The following UBE2N variants were observed in gnomAD, a reference collection of about 807,000 sequenced individuals.
UBE2N encodes the protein ubiquitin-conjugating enzyme E2 N.
For synonymous variants in UBE2N, 70 were observed against 69.2 expected, an observed-to-expected ratio of 1.01 and a Z score of -0.06; for missense variants, 60 against 192.1, an observed-to-expected ratio of 0.31 and a Z score of 4.07.
At chr12:93,430,995 A>G (rs1384835249) in intron 1 of UBE2N, among the ~76,000 whole-genome samples, 5 of 150,612 alleles carry the variant, frequency 3.3e-5, no homozygotes, top group Admixed American at 1.3e-4. Flanking sequence ...TTGGGAGGCC[A>G]AGGCGGGCGA....
rs1877981618 is a variant in UBE2N, at chr12:93,409,803, C to G, written c.*236G>C. On this transcript the variant is annotated 3_prime_UTR_variant, in exon 4 of 4. Coordinates refer to ENST00000318066, the MANE Select transcript of UBE2N (RefSeq NM_003348.4). ...GAATAAAAGCAGGGAGGGGCCACTG[C>G]TTTTAAACGTTTCACAACAATCCAG... 1 of 504,980 alleles carries G rather than the reference C, an allele frequency of 2.0e-6. No homozygotes were observed. Among genetic ancestry groups the G allele is most frequent in the Non-Finnish European group, 3.6e-6 (1 of 281,022 alleles). The allele number at this position is 504,980 out of a possible 1,614,324, so 31.3% of individuals were successfully genotyped here. A position where few individuals can be genotyped will look rare whatever the true frequency, so the allele number is the denominator to read the frequency against.
intron 1 of UBE2N, among the ~76,000 whole-genome samples, chr12:93,418,343 GAT>G (rs1878288742): frequency 6.6e-6 from 1 of 151,976 alleles, no homozygotes; most frequent in African/African-American, 2.4e-5. Flanking sequence ...CAGCCTGGGC[GAT>G]AGTGAGACCT....
chr12:93,425,919 T>C (rs1592747178), intron 1 of UBE2N, among the ~76,000 whole-genome samples: 1 of 152,200 alleles, frequency 6.6e-6, no homozygotes, highest in African/African-American at 2.4e-5. Context: ...AAAGTGATCA[T>C]TGCCTCAATA....
chr12:93,410,369 A>G, intron 3 of UBE2N: 1 of 490,976 alleles, frequency 2.0e-6, no homozygotes, highest in South Asian at 2.6e-5. Context: ...TCTGTAGCAG[A>G]AGCTTCTTGA....
Position 93,436,178 on chromosome 12 carries a change from T to C in UBE2N, c.30+5677A>G, listed in dbSNP as rs552957355. 3.9e-5 allele frequency among the ~76,000 whole-genome samples: 6 copies of C among 152,336 alleles called. No homozygotes were observed. In the South Asian group the frequency reaches 1.0e-3, roughly 26 times the overall value. On this transcript the variant is annotated intron_variant, in intron 1 of 3. Transcript: ENST00000318066. ...GTGCAGTGGCGCGATCTAGGCTCAC[T>C]GCAGCCTCAACTTCCTGGGCCAAAC...
In UBE2N at chr12:93,406,460, CTGTT is replaced by C; in HGVS notation, c.*3575_*3578del. 1 of 152,002 alleles carries C rather than the reference CTGTT, an allele frequency of 6.6e-6. No homozygotes were observed. The highest frequency in any genetic ancestry group is 1.9e-4 in the East Asian group (1 of 5,190). The allele number at this position is 152,002 out of a possible 1,614,324, so 9.4% of individuals were successfully genotyped here. ...CAACCATAGCACCTGTGACTTTTATCTGTTGGTTTGTATTTAATCTTATTTTTAA... is the reference window on the plus strand; with the variant it reads ...CAACCATAGCACCTGTGACTTTTATCGGTTTGTATTTAATCTTATTTTTAA... On this transcript the variant is annotated 3_prime_UTR_variant, in exon 4 of 4. Coordinates refer to ENST00000318066, the MANE Select transcript of UBE2N (RefSeq NM_003348.4).
At chr12:93,426,790 A>G (rs1226015157) in intron 1 of UBE2N, among the ~76,000 whole-genome samples, 1 of 152,120 alleles carries the variant, frequency 6.6e-6, no homozygotes, top group African/African-American at 2.4e-5. Flanking sequence ...CTCCTAGTTT[A>G]AGTCTGCAGA....
rs148578027 is a variant in UBE2N at position 93,440,878 on chromosome 12, T to C, written c.30+977A>G. 1.6e-4 allele frequency among the ~76,000 whole-genome samples: 24 copies of C among 152,240 alleles called. No homozygotes were observed. In the East Asian group the frequency reaches 3.9e-3, roughly 24 times the overall value. On this transcript the variant is annotated intron_variant, in intron 1 of 3. Transcript: ENST00000318066. ...CATACATACTTGTCAAAACACAGTA[T>C]TCATAAACAGCCAATTAATAATTAA...
intron 1 of UBE2N, chr12:93,424,511 A>G (rs1229856998): frequency 6.6e-6 from 1 of 152,192 alleles, no homozygotes; most frequent in African/African-American, 2.4e-5. Flanking sequence ...AAAAATTAAA[A>G]CAGTCTTTCA....
At chr12:93,416,111 C>T (rs1006271270) in intron 1 of UBE2N, among the ~76,000 whole-genome samples, 2 of 152,106 alleles carry the variant, frequency 1.3e-5, no homozygotes, top group African/African-American at 4.8e-5. Flanking sequence ...TGGACTGACA[C>T]AAAAACATGC....
At chr12:93,421,603 A>G (rs1878413224) in intron 1 of UBE2N, among the ~76,000 whole-genome samples, 2 of 152,328 alleles carry the variant, frequency 1.3e-5, no homozygotes, top group South Asian at 4.1e-4. Flanking sequence ...TGCTTCATGA[A>G]AAAGGTAAAT....
chr12:93,405,894 T>G lies in UBE2N; in HGVS notation c.*4145A>C, dbSNP rs1489423672. On this transcript the variant is annotated 3_prime_UTR_variant, in exon 4 of 4. Coordinates refer to ENST00000318066, the MANE Select transcript of UBE2N (RefSeq NM_003348.4). ...ATTTTTCTTAAATAAAGCAATAAAT[T>G]AGGTACCCTATTATCATGGTATTTT... is the stretch of plus-strand genomic sequence containing the variant. The G allele has an allele frequency of 6.6e-6, 1 of 152,198 alleles. No individual in the cohort carries two copies. The highest frequency in any genetic ancestry group is 1.9e-4 in the East Asian group (1 of 5,200). The allele number at this position is 152,198 out of a possible 1,614,324, so 9.4% of individuals were successfully genotyped here.
At chr12:93,441,270 G>T (rs1402838379) in intron 1 of UBE2N, 1 of 152,314 alleles carries the variant, frequency 6.6e-6, no homozygotes, top group Non-Finnish European at 1.5e-5. Context: ...GGCAACCAGG[G>T]GCGAGCATGT....
At chr12:93,416,412 A>T (rs1878209499) in intron 1 of UBE2N, among the ~76,000 whole-genome samples, 1 of 152,102 alleles carries the variant, frequency 6.6e-6, no homozygotes, top group Non-Finnish European at 1.5e-5. Context: ...TTAAGTGAAG[A>T]AGTAAAGGGC....
At chr12:93,429,007 C>A (rs1041813397) in intron 1 of UBE2N, among the ~76,000 whole-genome samples, 7 of 152,138 alleles carry the variant, frequency 4.6e-5, no homozygotes, top group Admixed American at 4.6e-4. Context: ...CGCGGTGGCT[C>A]ATGCCTGTAA....
In UBE2N at chr12:93,415,553, A is replaced by T. The variant is rs75458672; in HGVS notation, c.31-4254T>A. On this transcript the variant is annotated intron_variant, in intron 1 of 3. Coordinates refer to ENST00000318066, the MANE Select transcript of UBE2N (RefSeq NM_003348.4). The stretch of plus-strand genomic sequence containing the variant: ...CTCTGACCTTGGGAAGTCCTTTAAC[A>T]TGTGACCAGAACAAAAGAGGCTGGT... Among the ~76,000 whole-genome samples the T allele has an allele frequency of 3.2e-3, 480 of 152,320 alleles. 5 individuals are homozygous for T. The highest frequency in any genetic ancestry group is 0.011 in the African/African-American group (451 of 41,576).
intron 1 of UBE2N, among the ~76,000 whole-genome samples, chr12:93,418,308 T>C (rs999628867): frequency 1.3e-5 from 2 of 152,092 alleles, no homozygotes; most frequent in African/African-American, 4.8e-5. Context: ...AGGTTACAGT[T>C]AGCTGTGATC....
At chr12:93,427,259 A>C (rs1878624228) in intron 1 of UBE2N, among the ~76,000 whole-genome samples, 1 of 152,336 alleles carries the variant, frequency 6.6e-6, no homozygotes, top group South Asian at 2.1e-4. Context: ...AGGGAAGCCA[A>C]AAGGTTGGAA....
Position 93,437,622 on chromosome 12 carries a change from C to T in UBE2N, c.30+4233G>A, listed in dbSNP as rs546722919. ...GACCAGCATGGCCAACATGGTGAAACCCCATCTCTACTAAAAATTAGCCAG... is the reference window on the plus strand; with the variant it reads ...GACCAGCATGGCCAACATGGTGAAATCCCATCTCTACTAAAAATTAGCCAG... On this transcript the variant is annotated intron_variant, in intron 1 of 3. Transcript: ENST00000318066. Among the ~76,000 whole-genome samples, 21 of 152,186 alleles carry T rather than the reference C, an allele frequency of 1.4e-4. 1 individual carries two copies. Among genetic ancestry groups the T allele is most frequent in the Admixed American group, 3.3e-4 (5 of 15,292 alleles).
Sources: gnomAD v4.1 joint callset for allele counts (sites outside exome capture counted in the v4.1 genomes callset) on GRCh38, gnomAD v4.1.1 for gene constraint, MANE v1.5 for transcripts, NCBI Gene and HGNC (gene_info 2026-07-23, HGNC 2026-07-21) for gene names.